FSD1L: variants seen among roughly 807,000 people sequenced by gnomAD.
FSD1L encodes the protein FSD1-like protein.
In FSD1L, 45 loss-of-function variants were observed where a neutral mutation model predicts 71.6. The ratio of observed to expected loss-of-function variants is 0.63; its 90% CI spans 0.49 to 0.81. The LOEUF (loss-of-function observed/expected upper bound fraction) is 0.81, where lower values mean the gene tolerates loss of function less well. Among genes scored for constraint, FSD1L ranks in the 30% least tolerant of loss-of-function variants. The pLI is 0.00. For missense variants in FSD1L, 561 were observed against 618.1 expected, an observed-to-expected ratio of 0.91 and a Z score of 0.98; for synonymous variants, 197 against 207.2, an observed-to-expected ratio of 0.95 and a Z score of 0.42.
chr9:105,544,767 T>C (rs1292707552), intron 13 of FSD1L, among the ~76,000 whole-genome samples: 1 of 152,220 alleles, frequency 6.6e-6, no homozygotes, highest in Admixed American at 6.5e-5. Context: ...GAGGGCTCTG[T>C]TCTGTTCCAT....
At chr9:105,489,079 AT>A (rs1832746063) in intron 7 of FSD1L, among the ~76,000 whole-genome samples, 1 of 152,116 alleles carries the variant, frequency 6.6e-6, no homozygotes, top group Non-Finnish European at 1.5e-5. Context: ...CAATGACTAT[AT>A]CAGCTGACTA....
At chr9:105,543,482 G>A (rs532190795) in intron 13 of FSD1L, among the ~76,000 whole-genome samples, 7 of 151,880 alleles carry the variant, frequency 4.6e-5, no homozygotes, top group African/African-American at 1.7e-4. Context: ...TGTGCACAAC[G>A]TGCAGGTTTG....
chr9:105,540,556 A>G (rs1836546292), intron 13 of FSD1L, among the ~76,000 whole-genome samples: 1 of 152,170 alleles, frequency 6.6e-6, no homozygotes, highest in African/African-American at 2.4e-5. Flanking sequence ...GACTGCATTT[A>G]CAATGCAAGT....
intron 9 of FSD1L, 29 bp downstream of exon 9, chr9:105,508,744 A>T: frequency 7.7e-7 from 1 of 1,303,048 alleles, no homozygotes; most frequent in Non-Finnish European, 1.1e-6. Flanking sequence ...TATACAGCAT[A>T]AAACAAAGCT....
At chr9:105,484,625 C>T in intron 7 of FSD1L, 123 bp downstream of exon 7, 2 of 542,094 alleles carry the variant, frequency 3.7e-6, no homozygotes, top group Non-Finnish European at 2.9e-6. Flanking sequence ...TTTCATTCAG[C>T]TAAGGAATAA....
chr9:105,525,913 G>T, intron 10 of FSD1L: 1 of 1,556,020 alleles, frequency 6.4e-7, no homozygotes, highest in East Asian at 2.2e-5. Flanking sequence ...AATGCCTTCT[G>T]ATTCTGATGA....
chr9:105,506,442 A>C lies in FSD1L; in HGVS notation c.630A>C (p.Ala210=), dbSNP rs763707728. The C allele has an allele frequency of 6.4e-7, 1 of 1,551,842 alleles. No homozygotes were observed. The highest frequency in any genetic ancestry group is 8.7e-7 in the Non-Finnish European group (1 of 1,147,008). The change falls in exon 8 of 14, where the codon GCA becomes GCC. Residue 210 remains alanine (A), a synonymous_variant. Coordinates refer to ENST00000481272, the MANE Select transcript of FSD1L (RefSeq NM_001145313.3). ...TAGATCCAGTAGAGTGTTTGGTGGC[A>C]GATAACTCTGTAACAGTGGCTTGGA... ...PEIDPVECLV[A]DNSVTVAWRM...
chr9:105,476,426 G>A (rs1831808068), intron 5 of FSD1L, among the ~76,000 whole-genome samples: 1 of 152,094 alleles, frequency 6.6e-6, no homozygotes, highest in Non-Finnish European at 1.5e-5. Context: ...GCTGAATTTT[G>A]TCAAACATCT....
At chr9:105,534,887 C>T (rs183841552) in intron 11 of FSD1L, among the ~76,000 whole-genome samples, 180 bp from the exon 12 acceptor site, 8 of 152,204 alleles carry the variant, frequency 5.3e-5, no homozygotes, top group African/African-American at 1.4e-4. Context: ...TAGTACTAAA[C>T]GTAAAGGTAA....
intron 10 of FSD1L, chr9:105,530,819 C>T (rs1297415770): frequency 6.3e-6 from 3 of 473,278 alleles, no homozygotes; most frequent in African/African-American, 6.0e-5. Context: ...CAATTTAGTA[C>T]TTTGGCTCAG....
chr9:105,447,832 G>C (rs1829710438), upstream of FSD1L: 1 of 319,304 alleles, frequency 3.1e-6, no homozygotes, highest in African/African-American at 2.2e-5. Context: ...CCGGCTGCTG[G>C]ATGCCCAGTG....
rs566462924 is a variant in FSD1L, at chr9:105,543,767, C to CT, written c.1468-2585dup. Among the ~76,000 whole-genome samples, 713 of 152,214 alleles carry CT rather than the reference C, an allele frequency of 4.7e-3. 16 individuals carry two copies. The highest frequency in any genetic ancestry group is 1.3e-3 in the Non-Finnish European group (91 of 68,010). On this transcript the variant is annotated intron_variant, in intron 13 of 13. Transcript: ENST00000481272. ...TCCCTACAAAGGACATGAACTCATCCTTTTTTATGGCTGCATAGTATTCCC... is the reference window on the plus strand; with the variant it reads ...TCCCTACAAAGGACATGAACTCATCCTTTTTTTATGGCTGCATAGTATTCCC...
chr9:105,489,505 T>A (rs1832776253), intron 7 of FSD1L, among the ~76,000 whole-genome samples: 1 of 152,196 alleles, frequency 6.6e-6, no homozygotes, highest in Non-Finnish European at 1.5e-5. Flanking sequence ...TATGTTTTTT[T>A]ATTTTATTAT....
chr9:105,508,260 C>T (rs1464928309), intron 8 of FSD1L, among the ~76,000 whole-genome samples: 1 of 149,428 alleles, frequency 6.7e-6, no homozygotes, highest in Non-Finnish European at 1.5e-5. Context: ...TAACTGCAAG[C>T]TCCGCCTCCC....
rs910143331 is a variant in FSD1L at position 105,549,799 on chromosome 9, A to G, written c.*3316A>G. On this transcript the variant is annotated 3_prime_UTR_variant, in exon 14 of 14. Coordinates refer to ENST00000481272, the MANE Select transcript of FSD1L (RefSeq NM_001145313.3). ...TATGCTATTTCATAACTTATGTAGAATGATTTTTATCTATATACTTTGTCC... is the reference window on the plus strand; with the variant it reads ...TATGCTATTTCATAACTTATGTAGAGTGATTTTTATCTATATACTTTGTCC... 2.6e-5 allele frequency: 4 copies of G among 152,022 alleles called. No individual in the cohort carries two copies. Among genetic ancestry groups the G allele is most frequent in the African/African-American group, 7.2e-5 (3 of 41,434 alleles). The allele number at this position is 152,022 out of a possible 1,614,324, so 9.4% of individuals were successfully genotyped here.
intron 7 of FSD1L, among the ~76,000 whole-genome samples, chr9:105,504,693 A>G (rs756915830): frequency 3.3e-5 from 5 of 152,142 alleles, no homozygotes; most frequent in Non-Finnish European, 7.3e-5. Flanking sequence ...ACATCCTCCC[A>G]TATACTTTAA....
intron 1 of FSD1L, among the ~76,000 whole-genome samples, chr9:105,448,561 A>G (rs938427086): frequency 5.9e-5 from 9 of 152,264 alleles, no homozygotes; most frequent in African/African-American, 2.2e-4. Flanking sequence ...ATGCCTGCAG[A>G]CTGCGAGCGT....
chr9:105,468,125 C>G, intron 3 of FSD1L, 68 bp from the exon 4 acceptor site: 3 of 1,058,204 alleles, frequency 2.8e-6, no homozygotes, highest in Non-Finnish European at 3.8e-6. Context: ...CTCTTTTGGG[C>G]ATACCTTTTA....
chr9:105,523,211 A>C lies in FSD1L; in HGVS notation c.1025+10275A>C, dbSNP rs1393469260. On this transcript the variant is annotated intron_variant, in intron 10 of 13. Transcript: ENST00000481272. ...CTGAAGTTGCAACTATTACTGGTTC[A>C]GAAAGTGCTTCCCCAGTCCACTCAC... is the stretch of plus-strand genomic sequence containing the variant. 6.2e-6 allele frequency: 10 copies of C among 1,613,002 alleles called. No homozygotes were observed. In the African/African-American group the frequency reaches 1.2e-4, roughly 19 times the overall value.
Sources: allele counts gnomAD v4.1 joint callset (sites outside exome capture counted in the v4.1 genomes callset), GRCh38; gene constraint gnomAD v4.1.1; transcripts MANE v1.5; gene names NCBI Gene and HGNC (gene_info 2026-07-23, HGNC 2026-07-21).